The following RFC3 variants were observed in gnomAD, a reference collection of about 807,000 sequenced individuals.
RFC3 encodes the protein A1 38 kDa subunit.
In RFC3, 41 loss-of-function variants were observed where a neutral mutation model predicts 45.1. That is an observed-to-expected ratio of 0.91 (90% CI 0.71 to 1.18). The LOEUF is 1.18. Among genes scored for constraint, RFC3 ranks in the 50% most tolerant of loss-of-function variants. The probability of loss-of-function intolerance (pLI) is 0.00; values close to 1 mark genes in which losing one functional copy is unlikely to be tolerated. For synonymous variants in RFC3, 149 were observed against 144.0 expected, an observed-to-expected ratio of 1.03 and a Z score of -0.25; for missense variants, 423 against 428.1, an observed-to-expected ratio of 0.99 and a Z score of 0.10.
At chr13:33,970,417 C>T (rs1357749920), downstream of RFC3, among the ~76,000 whole-genome samples, 1 of 152,146 alleles carries the variant, frequency 6.6e-6, no homozygotes, top group Admixed American at 6.6e-5. Context: ...TATTTTTAAA[C>T]AGAATGCTTT....
chr13:33,834,329 T>TATATATATATATACATACACATAC (rs1300798923), intron 7 of RFC3, among the ~76,000 whole-genome samples: 1 of 125,106 alleles, frequency 8.0e-6, no homozygotes, highest in Admixed American at 8.4e-5. Context: ...TATATATATA[T>TATATATATATATACATACACATAC]ATCTGTACTG....
At chr13:33,896,059 T>G (rs2082596030) in intron 8 of RFC3, among the ~76,000 whole-genome samples, 1 of 151,936 alleles carries the variant, frequency 6.6e-6, no homozygotes, top group South Asian at 2.1e-4. Flanking sequence ...GGGTACAAGG[T>G]ACACTACTCA....
At chr13:33,825,930 A>G (rs1465627097) in intron 4 of RFC3, 44 bp downstream of exon 4, 1 of 1,229,404 alleles carries the variant, frequency 8.1e-7, no homozygotes, top group Admixed American at 2.0e-5. Context: ...GCCAAGCATT[A>G]GTGCTCTCTC....
At chr13:33,964,973 G>A (rs11618915) in intron 8 of RFC3, among the ~76,000 whole-genome samples, 9,072 of 91,792 alleles carry the variant, frequency 0.099, 358 homozygotes, top group Non-Finnish European at 0.15. Flanking sequence ...CACAAGCCAA[G>A]GGATGCCACA....
intron 8 of RFC3, among the ~76,000 whole-genome samples, chr13:33,879,884 G>C (rs978747004): frequency 6.6e-6 from 1 of 152,206 alleles, no homozygotes; most frequent in African/African-American, 2.4e-5. Context: ...AGCTTCCAGA[G>C]ATGGCCTGCA....
At chr13:33,919,770 T>G (rs1490588962) in intron 8 of RFC3, among the ~76,000 whole-genome samples, 1 of 152,116 alleles carries the variant, frequency 6.6e-6, no homozygotes, top group East Asian at 1.9e-4. Context: ...TTAATCCTGT[T>G]GGCAGATTTC....
At chr13:33,928,157 C>T (rs536062231) in intron 8 of RFC3, among the ~76,000 whole-genome samples, 20 of 152,042 alleles carry the variant, frequency 1.3e-4, no homozygotes, top group African/African-American at 3.4e-4. Flanking sequence ...GTGTCAGGAT[C>T]GTGGGCTTAC....
intron 1 of RFC3, among the ~76,000 whole-genome samples, chr13:33,820,704 CAG>C (rs1026480362): frequency 2.6e-5 from 4 of 152,148 alleles, no homozygotes; most frequent in African/African-American, 9.7e-5. Flanking sequence ...GCCTGAATCT[CAG>C]AGTTACAGAA....
At chr13:33,937,622 G>C (rs1405522491) in intron 8 of RFC3, among the ~76,000 whole-genome samples, 1 of 152,128 alleles carries the variant, frequency 6.6e-6, no homozygotes, top group African/African-American at 2.4e-5. Context: ...CAATTACCAT[G>C]TAGCATGCGC....
chr13:33,932,900 G>C (rs1188219171), intron 8 of RFC3, among the ~76,000 whole-genome samples: 1 of 152,174 alleles, frequency 6.6e-6, no homozygotes, highest in African/African-American at 2.4e-5. Context: ...AACATTGGTT[G>C]AGACTTGTAG....
chr13:33,835,763 G>A (rs1052651056), intron 8 of RFC3, among the ~76,000 whole-genome samples: 1 of 152,084 alleles, frequency 6.6e-6, no homozygotes, highest in African/African-American at 2.4e-5. Flanking sequence ...TAGCTTTTCC[G>A]AATATGACCT....
intron 8 of RFC3, among the ~76,000 whole-genome samples, chr13:33,916,777 CAT>C (rs898185426): frequency 2.0e-5 from 3 of 148,486 alleles, no homozygotes; most frequent in Non-Finnish European, 2.9e-5. Context: ...TGTACATACA[CAT>C]ATATACATGT....
At chr13:33,866,366 A>G (rs1265194609) in intron 8 of RFC3, among the ~76,000 whole-genome samples, 1 of 152,232 alleles carries the variant, frequency 6.6e-6, no homozygotes, top group Non-Finnish European at 1.5e-5. Flanking sequence ...GAGAGGTAAC[A>G]TGGTGTGCTT....
At chr13:33,906,846 A>G (rs573617256) in intron 8 of RFC3, among the ~76,000 whole-genome samples, 61 of 152,054 alleles carry the variant, frequency 4.0e-4, no homozygotes, top group Non-Finnish European at 6.6e-4. Context: ...GATTAGTACC[A>G]AAGAAGCGAT....
intron 8 of RFC3, among the ~76,000 whole-genome samples, chr13:33,921,645 G>A (rs972504266): frequency 6.6e-6 from 1 of 152,060 alleles, no homozygotes; most frequent in Admixed American, 6.6e-5. Context: ...CCCTGATGGT[G>A]CAGCCTTTCA....
At chr13:33,925,985 T>G (rs2137753270) in intron 8 of RFC3, among the ~76,000 whole-genome samples, 1 of 151,898 alleles carries the variant, frequency 6.6e-6, no homozygotes, top group South Asian at 2.1e-4. Flanking sequence ...TAGACTGGAT[T>G]AGGAAAATGT....
chr13:33,836,061 G>A (rs780736330), intron 8 of RFC3, 43 bp from the exon 9 acceptor site: 6 of 1,567,834 alleles, frequency 3.8e-6, no homozygotes, highest in African/African-American at 1.4e-5. Context: ...ATGCTTAGCT[G>A]TTTTTATTAA....
intron 8 of RFC3, among the ~76,000 whole-genome samples, chr13:33,862,254 A>G (rs1440486234): frequency 1.5e-5 from 1 of 65,520 alleles, no homozygotes; most frequent in Non-Finnish European, 3.3e-5. Flanking sequence ...ATCTCAGCAA[A>G]GTTTTTTTTT....
rs1472798324 is a variant in RFC3, at chr13:33,844,250, AAGAC to A, written c.879+9036_879+9039del. Among the ~76,000 whole-genome samples, 6 of 152,280 alleles carry A rather than the reference AAGAC, an allele frequency of 3.9e-5. No individual in the cohort carries two copies. The East Asian group carries it at 1.2e-3, about 29-fold the overall frequency. On this transcript the variant is annotated intron_variant, in intron 8 of 8. Transcript: ENST00000434425. ...TAGTCTTCTGGTTCTTTAATCCAAT[AAGAC>A]AGTAAAGTTTTCATAAGAGTTTTAG...
Sources: gnomAD v4.1 joint callset for allele counts (sites outside exome capture counted in the v4.1 genomes callset) on GRCh38, gnomAD v4.1.1 for gene constraint, MANE v1.5 for transcripts, NCBI Gene and HGNC (gene_info 2026-07-23, HGNC 2026-07-21) for gene names.